TANGO6: variants seen among roughly 807,000 people sequenced by gnomAD.
TANGO6 encodes transport and Golgi organization protein 6 homolog.
TANGO6 carries 90 observed loss-of-function variants against 114.2 expected under a neutral mutation model. That is an observed-to-expected ratio of 0.79 (90% CI 0.66 to 0.94). The LOEUF is 0.94. Ranked by LOEUF, TANGO6 falls within the 40% of genes least tolerant of loss-of-function variation. TANGO6 has a pLI of 0.00. For missense variants in TANGO6, 1,274 were observed against 1,315.3 expected, an observed-to-expected ratio of 0.97 and a Z score of 0.49; for synonymous variants, 477 against 509.8, an observed-to-expected ratio of 0.94 and a Z score of 0.87.
intron 17 of TANGO6, among the ~76,000 whole-genome samples, chr16:69,042,946 G>A (rs1959795825): frequency 6.6e-6 from 1 of 152,144 alleles, no homozygotes; most frequent in South Asian, 2.1e-4. Context: ...CAAGTTGGTC[G>A]GGTGCAGTGG....
chr16:68,976,139 G>T (rs1027815298), intron 15 of TANGO6, among the ~76,000 whole-genome samples: 2 of 152,030 alleles, frequency 1.3e-5, no homozygotes, highest in Admixed American at 1.3e-4. Flanking sequence ...TTACCATGTT[G>T]CCCAGCCTGG....
chr16:68,973,731 G>A (rs1963733402), intron 14 of TANGO6: 2 of 389,902 alleles, frequency 5.1e-6, no homozygotes, highest in South Asian at 6.5e-5. Flanking sequence ...AAATTATACA[G>A]GAATGGAGAA....
intron 14 of TANGO6, among the ~76,000 whole-genome samples, chr16:68,970,524 G>C (rs1963691498): frequency 2.0e-5 from 3 of 151,906 alleles, no homozygotes. Flanking sequence ...AAAATTAGCT[G>C]GGCATGGTGG....
intron 12 of TANGO6, among the ~76,000 whole-genome samples, chr16:68,923,666 G>A (rs1475076850): frequency 6.6e-6 from 1 of 152,164 alleles, no homozygotes; most frequent in African/African-American, 2.4e-5. Context: ...ATTTAGAGAT[G>A]TCTTACTTTC....
chr16:68,917,228 C>A (rs1369267527), intron 11 of TANGO6, among the ~76,000 whole-genome samples: 1 of 152,102 alleles, frequency 6.6e-6, no homozygotes, highest in Non-Finnish European at 1.5e-5. Flanking sequence ...CATGTCTTTT[C>A]ATAGCTTGAT....
At chr16:69,062,621 T>C (rs28543061) in intron 17 of TANGO6, among the ~76,000 whole-genome samples, 92,458 of 150,416 alleles carry the variant, frequency 0.61, 28,755 homozygotes, top group Admixed American at 0.68. Context: ...TACAGGTACC[T>C]GCCACTGCGC....
At chr16:69,013,898 T>C (rs990543659) in intron 15 of TANGO6, among the ~76,000 whole-genome samples, 1 of 152,166 alleles carries the variant, frequency 6.6e-6, no homozygotes, top group Non-Finnish European at 1.5e-5. Context: ...GCTCAGGCAA[T>C]CTGCCTGCCT....
intron 16 of TANGO6, among the ~76,000 whole-genome samples, chr16:69,024,457 C>T (rs143607867): frequency 0.011 from 1,714 of 152,060 alleles, 25 homozygotes; most frequent in African/African-American, 0.039. Flanking sequence ...TTAGTAGAGA[C>T]GGGGTTTCAC....
At chr16:68,908,381 C>T (rs1384409757) in intron 10 of TANGO6, among the ~76,000 whole-genome samples, 1 of 152,048 alleles carries the variant, frequency 6.6e-6, no homozygotes, top group Non-Finnish European at 1.5e-5. Context: ...GGGATGTGCT[C>T]TTAATTGTAT....
At chr16:68,870,883 C>T (rs907208045) in intron 4 of TANGO6, among the ~76,000 whole-genome samples, 25 of 151,334 alleles carry the variant, frequency 1.7e-4, no homozygotes, top group African/African-American at 4.8e-4. Flanking sequence ...TGGGTTCAAG[C>T]GATTATCCTG....
At chr16:69,036,729 G>A (rs1959693276) in intron 16 of TANGO6, among the ~76,000 whole-genome samples, 1 of 152,124 alleles carries the variant, frequency 6.6e-6, no homozygotes, top group Non-Finnish European at 1.5e-5. Context: ...TTGGGAAGCC[G>A]AGGCAGGCGA....
At chr16:69,078,045 A>C (rs1200313249) in intron 17 of TANGO6, among the ~76,000 whole-genome samples, 2 of 152,148 alleles carry the variant, frequency 1.3e-5, no homozygotes, top group East Asian at 3.9e-4. Flanking sequence ...AGACTTACCT[A>C]GGTGCGGGGG....
chr16:68,892,742 T>G (rs1200797250), intron 7 of TANGO6, among the ~76,000 whole-genome samples: 1 of 152,182 alleles, frequency 6.6e-6, no homozygotes, highest in Non-Finnish European at 1.5e-5. Flanking sequence ...CTTGAACTCC[T>G]TACCTCAGGC....
At chr16:68,876,298 A>T (rs2152168077) in intron 5 of TANGO6, among the ~76,000 whole-genome samples, 1 of 151,996 alleles carries the variant, frequency 6.6e-6, no homozygotes, top group Non-Finnish European at 1.5e-5. Context: ...AGTAGCTGGG[A>T]TTACAGGCAT....
intron 14 of TANGO6, among the ~76,000 whole-genome samples, chr16:68,939,827 G>C (rs988048688): frequency 6.6e-6 from 1 of 151,898 alleles, no homozygotes; most frequent in African/African-American, 2.4e-5. Flanking sequence ...ATAATTATTT[G>C]CAACTTCACA....
chr16:69,023,901 TTTA>T (rs895612578), intron 16 of TANGO6, among the ~76,000 whole-genome samples: 1 of 151,772 alleles, frequency 6.6e-6, no homozygotes, highest in Non-Finnish European at 1.5e-5. Context: ...TTTAGAGTTT[TTTA>T]TTATTATTAT....
rs1961759353 is a variant in TANGO6, at chr16:68,843,697, T to G, written c.80T>G (p.Leu27Arg). ...CGGATTTTGGAGGCATTGAAGCTGC[T>G]GCTGAGCCCGGGAGGTGAGAGGACG... is the stretch of plus-strand genomic sequence containing the variant. The part of the protein sequence containing the change: ...LDRILEALKL[L>R]LSPGGSGSSS... The change falls in exon 1 of 18, where the codon CTG becomes CGG. Residue 27 changes from leucine to arginine, a missense_variant. Physicochemically the swap from Leu to Arg is moderately radical, Grantham distance 102. Around this residue, in one of 5 missense-constraint regions of TANGO6, gnomAD observed 114 missense variants for 104.6 expected, o/e 1.09. Transcript: ENST00000261778. 6.2e-7 allele frequency: 1 copy of G among 1,613,526 alleles called. No homozygotes were observed. Among genetic ancestry groups the G allele is most frequent in the African/African-American group, 1.3e-5 (1 of 74,920 alleles).
rs200432104 is a variant in TANGO6, at chr16:68,954,085, C to CA, written c.2702-19934dup. ...TGAAACCTCGTCTCTACTAAAAATA[C>CA]AAAAAAAAAGAAAAGTTAGCTGGGT... On this transcript the variant is annotated intron_variant, in intron 14 of 17. Coordinates refer to ENST00000261778, the MANE Select transcript of TANGO6 (RefSeq NM_024562.2). Among the ~76,000 whole-genome samples, 715 of 149,388 alleles carry CA rather than the reference C, an allele frequency of 4.8e-3. 5 individuals carry two copies. Among genetic ancestry groups the CA allele is most frequent in the African/African-American group, 0.016 (668 of 40,694 alleles).
chr16:68,967,698 CAAGT>C (rs1428409356), intron 14 of TANGO6, among the ~76,000 whole-genome samples: 2 of 152,028 alleles, frequency 1.3e-5, no homozygotes, highest in African/African-American at 4.8e-5. Flanking sequence ...CTGTGAGTTT[CAAGT>C]GAGTAGGTGG....
Sources: allele counts gnomAD v4.1 joint callset (sites outside exome capture counted in the v4.1 genomes callset), GRCh38; gene constraint gnomAD v4.1.1; regional missense constraint gnomAD v4.1.1; transcripts MANE v1.5; gene names NCBI Gene and HGNC (gene_info 2026-07-23, HGNC 2026-07-21).